Variants in PEX14 observed in about 807,000 individuals in gnomAD.
The protein encoded by PEX14 is peroxisomal membrane protein PEX14.
PEX14 carries 15 observed loss-of-function variants against 49.5 expected under a neutral mutation model. That is an observed-to-expected ratio of 0.30 (90% CI 0.20 to 0.47). The LOEUF is 0.47. Ranked by LOEUF, PEX14 falls within the 20% of genes least tolerant of loss-of-function variation. The probability of loss-of-function intolerance (pLI) is 1.00; values close to 1 mark genes in which losing one functional copy is unlikely to be tolerated. For synonymous variants in PEX14, 210 were observed against 212.7 expected, an observed-to-expected ratio of 0.99 and a Z score of 0.11; for missense variants, 398 against 494.8, an observed-to-expected ratio of 0.80 and a Z score of 1.86.
chr1:10,622,868 T>C, intron 5 of PEX14, 151 bp from the exon 6 acceptor site: 1 of 686,318 alleles, frequency 1.5e-6, no homozygotes, highest in South Asian at 1.5e-5. Flanking sequence ...GTCTCATAAC[T>C]TTTTCAAATA....
chr1:10,490,961 C>G (rs1235765128), intron 1 of PEX14, among the ~76,000 whole-genome samples: 1 of 151,322 alleles, frequency 6.6e-6, no homozygotes, highest in African/African-American at 2.4e-5. Flanking sequence ...ACATCGGCCT[C>G]CCAAAGTGCT....
intron 2 of PEX14, among the ~76,000 whole-genome samples, chr1:10,526,145 C>A (rs1638472922): frequency 6.6e-6 from 1 of 151,460 alleles, no homozygotes; most frequent in Admixed American, 6.6e-5. Context: ...TGGTCTCGAT[C>A]TCCTGACCTC....
intron 2 of PEX14, among the ~76,000 whole-genome samples, chr1:10,505,038 G>A (rs552982839): frequency 1.3e-5 from 2 of 152,156 alleles, no homozygotes; most frequent in East Asian, 3.9e-4. Context: ...TGCCCACCTT[G>A]GCCTCCCTCC....
At chr1:10,503,577 T>C (rs78914202) in intron 2 of PEX14, among the ~76,000 whole-genome samples, 198 of 152,068 alleles carry the variant, frequency 1.3e-3, no homozygotes, top group Non-Finnish European at 2.0e-3. Context: ...AGAATTTTCA[T>C]GTAAAAGTGT....
intron 2 of PEX14, among the ~76,000 whole-genome samples, chr1:10,497,332 A>G (rs1029287283): frequency 1.6e-4 from 25 of 152,310 alleles, no homozygotes; most frequent in Non-Finnish European, 5.9e-5. Context: ...AGAAAGCCCC[A>G]CAGCTCAGTG....
At chr1:10,552,802 A>G (rs1639373413) in intron 3 of PEX14, among the ~76,000 whole-genome samples, 2 of 152,172 alleles carry the variant, frequency 1.3e-5, no homozygotes, top group Non-Finnish European at 1.5e-5. Context: ...GAGGAGAACT[A>G]GTGGCGAAGA....
intron 2 of PEX14, among the ~76,000 whole-genome samples, chr1:10,498,785 A>C (rs764372964): frequency 6.6e-6 from 1 of 152,244 alleles, no homozygotes; most frequent in Non-Finnish European, 1.5e-5. Context: ...AAACTCCGCC[A>C]AAGTTAAAAT....
chr1:10,607,892 T>C (rs1340887344), intron 4 of PEX14, among the ~76,000 whole-genome samples: 1 of 152,240 alleles, frequency 6.6e-6, no homozygotes. Flanking sequence ...CATATATTTA[T>C]CTTTTTTTCC....
At chr1:10,617,504 G>A (rs1212641609) in intron 4 of PEX14, among the ~76,000 whole-genome samples, 4 of 152,064 alleles carry the variant, frequency 2.6e-5, no homozygotes, top group East Asian at 3.9e-4. Context: ...CTGTACCTGC[G>A]GCTTCCTTGG....
chr1:10,508,680 C>T, intron 2 of PEX14, among the ~76,000 whole-genome samples: 1 of 152,228 alleles, frequency 6.6e-6, no homozygotes, highest in South Asian at 2.1e-4. Context: ...AGGCTGGTTG[C>T]AGGCAGAACC....
Position 10,512,466 on chromosome 1 carries a change from G to A in PEX14, c.84+17145G>A, listed in dbSNP as rs116000572. 9.9e-3 allele frequency among the ~76,000 whole-genome samples: 1,513 copies of A among 152,282 alleles called. 30 individuals are homozygous for A. Among genetic ancestry groups the A allele is most frequent in the Middle Eastern group, 0.068 (20 of 294 alleles). On this transcript the variant is annotated intron_variant, in intron 2 of 8. Coordinates refer to ENST00000356607, the MANE Select transcript of PEX14 (RefSeq NM_004565.3). This position sits in a 1 kb window ranked among gnomAD's most constrained non-coding sequence, Gnocchi z 4.6. ...ATTGTGGAATTTTAATGAAGGTGGGGTGGATCCCTGATGTTCGCCTGCTTT... is the reference window on the plus strand; with the variant it reads ...ATTGTGGAATTTTAATGAAGGTGGGATGGATCCCTGATGTTCGCCTGCTTT...
rs1335618774 is a variant in PEX14, at chr1:10,512,179, C to T, written c.84+16858C>T. On this transcript the variant is annotated intron_variant, in intron 2 of 8. Coordinates refer to ENST00000356607, the MANE Select transcript of PEX14 (RefSeq NM_004565.3). The surrounding 1 kb of genome is among the most constrained non-coding windows in gnomAD (Gnocchi z 4.6). ...TTCACCATGTTAGCCAGGATGGTCT[C>T]GACCTCCTGACCTCGTGATCTGCCC... is the stretch of plus-strand genomic sequence containing the variant. Among the ~76,000 whole-genome samples the T allele has an allele frequency of 2.6e-5, 4 of 152,102 alleles. No homozygotes were observed. The highest frequency in any genetic ancestry group is 6.5e-5 in the Admixed American group (1 of 15,276).
intron 2 of PEX14, among the ~76,000 whole-genome samples, chr1:10,530,540 G>A (rs1031878471): frequency 6.6e-6 from 1 of 152,170 alleles, no homozygotes; most frequent in African/African-American, 2.4e-5. Flanking sequence ...GTTTTACTCC[G>A]AGTGTGCAGG....
chr1:10,625,888 G>A (rs1372087667), intron 7 of PEX14, among the ~76,000 whole-genome samples: 1 of 152,208 alleles, frequency 6.6e-6, no homozygotes, highest in Non-Finnish European at 1.5e-5. Context: ...TGGCTTTGCT[G>A]CCGCTGTCCC....
chr1:10,572,664 A>G lies in PEX14; in HGVS notation c.170-26574A>G, dbSNP rs561762872. Among the ~76,000 whole-genome samples the G allele has an allele frequency of 6.1e-3, 879 of 144,684 alleles. 8 individuals carry two copies. Among genetic ancestry groups the G allele is most frequent in the Non-Finnish European group, 8.8e-3 (577 of 65,388 alleles). 94.9% of individuals were successfully genotyped at this position (144,684 alleles called of 152,430 possible). A position where few individuals can be genotyped will look rare whatever the true frequency, so the allele number is the denominator to read the frequency against. On this transcript the variant is annotated intron_variant, in intron 3 of 8. Transcript: ENST00000356607. ...ATTCTCCTGTCTTAGCCTCCCGAGT[A>G]GCTGGGACTATAGGCGCCCCCCCCA... is the stretch of plus-strand genomic sequence containing the variant.
rs371945105 is a variant in PEX14 at position 10,627,225 on chromosome 1, C to A, written c.586-47C>A. The stretch of plus-strand genomic sequence containing the variant: ...TCCTCCTGCAGCCGCAGGCCCCGCC[C>A]GTGCCGCAAGGCGCCCGCCCTGAGC... On this transcript the variant is annotated intron_variant, in intron 7 of 8. Transcript: ENST00000356607. 13 of 1,344,758 alleles carry A rather than the reference C, an allele frequency of 9.7e-6. No individual in the cohort carries two copies. In the African/African-American group the frequency reaches 1.7e-4, roughly 18 times the overall value. The allele number at this position is 1,344,758 out of a possible 1,614,324, so 83.3% of individuals were successfully genotyped here.
chr1:10,594,282 C>T (rs562074883), intron 3 of PEX14, among the ~76,000 whole-genome samples: 9 of 152,230 alleles, frequency 5.9e-5, no homozygotes, highest in African/African-American at 1.7e-4. Flanking sequence ...TCTTCTCTGC[C>T]TCATCTCCTC....
At chr1:10,484,727 T>C (rs1016981683) in intron 1 of PEX14, among the ~76,000 whole-genome samples, 1 of 151,622 alleles carries the variant, frequency 6.6e-6, no homozygotes, top group African/African-American at 2.4e-5. Context: ...GGTCGCTGAC[T>C]AGGGAGGGGT....
At chr1:10,621,532 A>C (rs1641593831) in intron 5 of PEX14, among the ~76,000 whole-genome samples, 1 of 151,984 alleles carries the variant, frequency 6.6e-6, no homozygotes, top group African/African-American at 2.4e-5. Flanking sequence ...TTTTTAGTAG[A>C]GACGGAGTTT....
Sources: gnomAD v4.1 joint callset for allele counts (sites outside exome capture counted in the v4.1 genomes callset) on GRCh38, gnomAD v4.1.1 for gene constraint, Gnocchi (gnomAD v3.1) non-coding constraint, MANE v1.5 for transcripts, NCBI Gene and HGNC (gene_info 2026-07-23, HGNC 2026-07-21) for gene names.